Variants in CASZ1 observed in about 807,000 individuals in gnomAD.
CASZ1 encodes the protein castor zinc finger 1, also known as zinc finger protein castor homolog 1.
A neutral mutation model predicts 135.2 loss-of-function variants in CASZ1; 28 were observed. That is an observed-to-expected ratio of 0.21 (90% confidence interval 0.15 to 0.28). The LOEUF is 0.28. Among genes scored for constraint, CASZ1 ranks in the 10% least tolerant of loss-of-function variants. CASZ1 has a pLI of 1.00. For synonymous variants in CASZ1, 1,068 were observed against 1,073.4 expected, an observed-to-expected ratio of 0.99 and a Z score of 0.10; for missense variants, 2,161 against 2,453.3, an observed-to-expected ratio of 0.88 and a Z score of 2.52.
Position 10,739,201 on chromosome 1 carries a change from G to A in CASZ1, c.-77+21500C>T, listed in dbSNP as rs1326485888. 1.3e-5 allele frequency among the ~76,000 whole-genome samples: 2 copies of A among 152,186 alleles called. No homozygotes were observed. Among genetic ancestry groups the A allele is most frequent in the Non-Finnish European group, 2.9e-5 (2 of 68,014 alleles). ...TCAGGCCGGCGGCCAGTCCCCGGGC[G>A]TACAGCGTGCGGTGCAACCTGCAGC... On this transcript the variant is annotated intron_variant, in intron 2 of 20. Transcript: ENST00000377022. The surrounding 1 kb of genome is among the most constrained non-coding windows in gnomAD (Gnocchi z 4.8).
intron 1 of CASZ1, among the ~76,000 whole-genome samples, chr1:10,778,857 C>T (rs892245183): frequency 1.2e-4 from 19 of 152,258 alleles, no homozygotes; most frequent in African/African-American, 4.6e-4. Flanking sequence ...ACCAGGGACC[C>T]GCCTGGAGGT....
chr1:10,771,986 C>T (rs1640585498), intron 1 of CASZ1, among the ~76,000 whole-genome samples: 1 of 152,188 alleles, frequency 6.6e-6, no homozygotes, highest in African/African-American at 2.4e-5. Flanking sequence ...CCTGTCTGTG[C>T]CCTGATCTCA....
rs1394259305 is a variant in CASZ1, at chr1:10,709,241, G to A, written c.-76-3697C>T. Among the ~76,000 whole-genome samples, 1 of 152,160 alleles carries A rather than the reference G, an allele frequency of 6.6e-6. No individual in the cohort carries two copies. Among genetic ancestry groups the A allele is most frequent in the Non-Finnish European group, 1.5e-5 (1 of 68,006 alleles). On this transcript the variant is annotated intron_variant, in intron 2 of 20. Transcript: ENST00000377022. The surrounding 1 kb of genome is among the most constrained non-coding windows in gnomAD (Gnocchi z 5.1). ...TCCCCAGGCCTCCCGGGGCCATGGGGGCTCGGGGCAGCTGTCGGGCTGCCC... is the reference window on the plus strand; with the variant it reads ...TCCCCAGGCCTCCCGGGGCCATGGGAGCTCGGGGCAGCTGTCGGGCTGCCC...
chr1:10,757,142 T>A lies in CASZ1; in HGVS notation c.-77+3559A>T, dbSNP rs541361321. On this transcript the variant is annotated intron_variant, in intron 2 of 20. Coordinates refer to ENST00000377022, the MANE Select transcript of CASZ1 (RefSeq NM_001079843.3). The surrounding 1 kb of genome is among the most constrained non-coding windows in gnomAD (Gnocchi z 4.6). ...AACGAGCCTTTCTCAGCACCCAGCA[T>A]GGTTCCAAGATGGCACTTCTCCCCT... Among the ~76,000 whole-genome samples the A allele has an allele frequency of 6.6e-6, 1 of 152,180 alleles. No individual in the cohort carries two copies. The highest frequency in any genetic ancestry group is 2.1e-4 in the South Asian group (1 of 4,834).
At chr1:10,704,714 T>C (rs1639135565) in intron 3 of CASZ1, among the ~76,000 whole-genome samples, 1 of 152,214 alleles carries the variant, frequency 6.6e-6, no homozygotes, top group South Asian at 2.1e-4. Flanking sequence ...GGATGATGGA[T>C]GGCTGCAGCC....
intron 2 of CASZ1, among the ~76,000 whole-genome samples, chr1:10,742,045 C>T (rs528646746): frequency 1.9e-4 from 29 of 152,114 alleles, no homozygotes; most frequent in Admixed American, 4.6e-4. Context: ...GACACACTGG[C>T]TCCCAGCACT....
At chr1:10,673,376 AT>A (rs1310643462) in intron 4 of CASZ1, among the ~76,000 whole-genome samples, 7 of 151,896 alleles carry the variant, frequency 4.6e-5, no homozygotes, top group Non-Finnish European at 8.8e-5. Context: ...AAATATGGAA[AT>A]TTTTTTTCGT....
Position 10,694,630 on chromosome 1 carries a change from CCCGCCCG to C in CASZ1, c.-23-725_-23-719del, listed in dbSNP as rs1345984841. Among the ~76,000 whole-genome samples the C allele has an allele frequency of 4.9e-5, 7 of 143,322 alleles. No individual in the cohort carries two copies. Among genetic ancestry groups the C allele is most frequent in the South Asian group, 2.2e-4 (1 of 4,630 alleles). 94.0% of individuals were successfully genotyped at this position (143,322 alleles called of 152,430 possible). A position where few individuals can be genotyped will look rare whatever the true frequency, so the allele number is the denominator to read the frequency against. ...GCCGCCGCCGCCGCCGCCCGGTGCGCCCGCCCGCCGCCCGCCGCCCGGTGCCGGAGTG... is the reference window on the plus strand; with the variant it reads ...GCCGCCGCCGCCGCCGCCCGGTGCGCCCGCCCGCCGCCCGGTGCCGGAGTG... On this transcript the variant is annotated intron_variant, in intron 3 of 20. Coordinates refer to ENST00000377022, the MANE Select transcript of CASZ1 (RefSeq NM_001079843.3). The surrounding 1 kb of genome is among the most constrained non-coding windows in gnomAD (Gnocchi z 6.6).
At chr1:10,784,771 G>A (rs939588453) in intron 1 of CASZ1, among the ~76,000 whole-genome samples, 3 of 152,098 alleles carry the variant, frequency 2.0e-5, no homozygotes, top group Non-Finnish European at 2.9e-5. Context: ...TCACCATGTT[G>A]GCCAGGTTGG....
At chr1:10,738,986 G>A (rs1228177817) in intron 2 of CASZ1, among the ~76,000 whole-genome samples, 1 of 119,614 alleles carries the variant, frequency 8.4e-6, no homozygotes, top group African/African-American at 3.3e-5. Context: ...ATTTTATGCT[G>A]TCAAAATGTT....
intron 2 of CASZ1, among the ~76,000 whole-genome samples, chr1:10,749,396 T>C (rs1428631622): frequency 1.3e-5 from 2 of 152,092 alleles, no homozygotes; most frequent in African/African-American, 2.4e-5. Context: ...TACAGGCGTG[T>C]GCCACCATGC....
chr1:10,676,157 G>A lies in CASZ1; in HGVS notation c.17-10586C>T, dbSNP rs534766279. On this transcript the variant is annotated intron_variant, in intron 4 of 20. Transcript: ENST00000377022. This position sits in a 1 kb window ranked among gnomAD's most constrained non-coding sequence, Gnocchi z 4.5. ...AAGGAGGGACAGCAGGAACCCCTGA[G>A]GGTCACACAGAATGTGTGATCTCAG... Among the ~76,000 whole-genome samples, 79 of 152,294 alleles carry A rather than the reference G, an allele frequency of 5.2e-4. No homozygotes were observed. The highest frequency in any genetic ancestry group is 1.8e-3 in the African/African-American group (75 of 41,576).
chr1:10,777,373 A>G lies in CASZ1; in HGVS notation c.-233-16516T>C, dbSNP rs1257750960. 2.6e-5 allele frequency among the ~76,000 whole-genome samples: 4 copies of G among 151,966 alleles called. No homozygotes were observed. Among genetic ancestry groups the G allele is most frequent in the African/African-American group, 9.7e-5 (4 of 41,344 alleles). ...CTCTGTGACTTCACCCTTCACCCAC[A>G]AGCCTCCTTTCTCTTATTGGTCAAA... On this transcript the variant is annotated intron_variant, in intron 1 of 20. Transcript: ENST00000377022. This position sits in a 1 kb window ranked among gnomAD's most constrained non-coding sequence, Gnocchi z 4.4.
intron 2 of CASZ1, among the ~76,000 whole-genome samples, chr1:10,723,856 G>A (rs140998942): frequency 1.3e-5 from 2 of 152,238 alleles, no homozygotes; most frequent in Non-Finnish European, 1.5e-5. Flanking sequence ...CAGTCCACCC[G>A]TCTCAGGTGG....
rs190299894 is a variant in CASZ1 at position 10,675,152 on chromosome 1, C to G, written c.17-9581G>C. Among the ~76,000 whole-genome samples, 8 of 152,338 alleles carry G rather than the reference C, an allele frequency of 5.3e-5. No individual in the cohort carries two copies. The East Asian group carries it at 1.5e-3, about 29-fold the overall frequency. On this transcript the variant is annotated intron_variant, in intron 4 of 20. Coordinates refer to ENST00000377022, the MANE Select transcript of CASZ1 (RefSeq NM_001079843.3). Reference sequence around the variant, plus strand: ...CAGAAAAGCTCACGGCAGGTCCCCCCTCCTGACGAAGTGACTTATTAAAGT... The same window carrying G: ...CAGAAAAGCTCACGGCAGGTCCCCCGTCCTGACGAAGTGACTTATTAAAGT...
chr1:10,720,454 G>T lies in CASZ1; in HGVS notation c.-76-14910C>A, dbSNP rs976501108. 6.6e-6 allele frequency among the ~76,000 whole-genome samples: 1 copy of T among 152,206 alleles called. No homozygotes were observed. Among genetic ancestry groups the T allele is most frequent in the African/African-American group, 2.4e-5 (1 of 41,448 alleles). ...AAAGAGCCTGGGGAAGCTCAGAAAT[G>T]TCTAGAGGAGGCCACCCCTACTGCC... On this transcript the variant is annotated intron_variant, in intron 2 of 20. Coordinates refer to ENST00000377022, the MANE Select transcript of CASZ1 (RefSeq NM_001079843.3). This position sits in a 1 kb window ranked among gnomAD's most constrained non-coding sequence, Gnocchi z 5.7.
chr1:10,757,547 G>A lies in CASZ1; in HGVS notation c.-77+3154C>T, dbSNP rs374650219. On this transcript the variant is annotated intron_variant, in intron 2 of 20. Coordinates refer to ENST00000377022, the MANE Select transcript of CASZ1 (RefSeq NM_001079843.3). This position sits in a 1 kb window ranked among gnomAD's most constrained non-coding sequence, Gnocchi z 4.6. ...TCATGCCTGTAATCCCAGCACCTTG[G>A]GGGGCTGAGGTGGGTGGATCACTTG... is the stretch of plus-strand genomic sequence containing the variant. Among the ~76,000 whole-genome samples the A allele has an allele frequency of 1.3e-5, 2 of 152,132 alleles. No homozygotes were observed. Among genetic ancestry groups the A allele is most frequent in the Admixed American group, 1.3e-4 (2 of 15,272 alleles).
chr1:10,726,369 C>T lies in CASZ1; in HGVS notation c.-76-20825G>A, dbSNP rs1000669349. On this transcript the variant is annotated intron_variant, in intron 2 of 20. Coordinates refer to ENST00000377022, the MANE Select transcript of CASZ1 (RefSeq NM_001079843.3). This position sits in a 1 kb window ranked among gnomAD's most constrained non-coding sequence, Gnocchi z 5.7. ...CAGCCACGCTCTGGGATGCCGCCAT[C>T]CTCAGCCTACTCCGTATCTCCTTTC... Among the ~76,000 whole-genome samples, 1 of 152,202 alleles carries T rather than the reference C, an allele frequency of 6.6e-6. No individual in the cohort carries two copies. The highest frequency in any genetic ancestry group is 1.5e-5 in the Non-Finnish European group (1 of 68,032).
chr1:10,697,126 G>A lies in CASZ1; in HGVS notation c.-23-3214C>T, dbSNP rs1365727907. Among the ~76,000 whole-genome samples the A allele has an allele frequency of 1.3e-5, 2 of 152,252 alleles. No homozygotes were observed. The highest frequency in any genetic ancestry group is 4.8e-5 in the African/African-American group (2 of 41,460). On this transcript the variant is annotated intron_variant, in intron 3 of 20. Coordinates refer to ENST00000377022, the MANE Select transcript of CASZ1 (RefSeq NM_001079843.3). The surrounding 1 kb of genome is among the most constrained non-coding windows in gnomAD (Gnocchi z 4.7). ...GGAGGAGCAGCGGTCAGAGAAGCAA[G>A]AAACAGGCCAACTCGGAGCGCAAGG...
Sources: allele counts gnomAD v4.1 joint callset (sites outside exome capture counted in the v4.1 genomes callset), GRCh38; gene constraint gnomAD v4.1.1; non-coding constraint Gnocchi (gnomAD v3.1); transcripts MANE v1.5; gene names NCBI Gene and HGNC (gene_info 2026-07-23, HGNC 2026-07-21).